Variants in UBR3 observed in about 807,000 individuals in gnomAD.
UBR3 encodes ubiquitin protein ligase E3 component n-recognin 3.
Under a neutral mutation model 243.2 loss-of-function variants are expected in UBR3, and 85 were observed. The observed-to-expected ratio is 0.35, with a 90% CI of 0.29 to 0.42. The LOEUF is 0.42. Among genes scored for constraint, UBR3 ranks in the 10% least tolerant of loss-of-function variants. The pLI, the probability that UBR3 is intolerant of heterozygous loss-of-function variation, is 1.00. For missense variants in UBR3, 1,686 were observed against 2,300.8 expected, an observed-to-expected ratio of 0.73 and a Z score of 5.47; for synonymous variants, 748 against 799.8, an observed-to-expected ratio of 0.94 and a Z score of 1.09.
chr2:169,901,843 A>T (rs1408583357), intron 8 of UBR3, among the ~76,000 whole-genome samples: 2 of 152,210 alleles, frequency 1.3e-5, no homozygotes, highest in Non-Finnish European at 2.9e-5. Flanking sequence ...CTTTTGAAAC[A>T]GTCTTTGTAA....
At chr2:170,079,558 G>A (rs1321832766) in intron 36 of UBR3, among the ~76,000 whole-genome samples, 1 of 152,086 alleles carries the variant, frequency 6.6e-6, no homozygotes, top group Admixed American at 6.5e-5. Flanking sequence ...GTAATAACAA[G>A]TTTAAATGTT....
intron 32 of UBR3, among the ~76,000 whole-genome samples, chr2:170,050,562 G>A (rs188773345): frequency 7.9e-5 from 12 of 152,154 alleles, no homozygotes; most frequent in African/African-American, 2.9e-4. Flanking sequence ...ATCTTCCTTT[G>A]TTCGTCCTCA....
intron 1 of UBR3, among the ~76,000 whole-genome samples, chr2:169,850,734 C>T (rs1574042696): frequency 6.6e-6 from 1 of 151,814 alleles, no homozygotes; most frequent in South Asian, 2.1e-4. Context: ...GTGCCAGCTA[C>T]TCGGGAGGCT....
At chr2:169,907,759 T>C (rs2085074321) in intron 10 of UBR3, among the ~76,000 whole-genome samples, 1 of 151,932 alleles carries the variant, frequency 6.6e-6, no homozygotes, top group African/African-American at 2.4e-5. Context: ...TAATTCGTTA[T>C]CTTTTTTTTT....
intron 23 of UBR3, among the ~76,000 whole-genome samples, chr2:169,956,586 C>T (rs75379681): frequency 0.04 from 6,128 of 151,914 alleles, 180 homozygotes; most frequent in East Asian, 0.11. Flanking sequence ...AATAATAAGG[C>T]GAGTTTTTTA....
At chr2:170,006,868 A>G in intron 27 of UBR3, 122 bp from the exon 28 acceptor site, 1 of 799,166 alleles carries the variant, frequency 1.3e-6, no homozygotes, top group Non-Finnish European at 1.9e-6. Context: ...TTATTTCTTT[A>G]TGACATATAT....
intron 11 of UBR3, among the ~76,000 whole-genome samples, chr2:169,915,032 A>T (rs2085405354): frequency 6.6e-6 from 1 of 152,122 alleles, no homozygotes; most frequent in African/African-American, 2.4e-5. Flanking sequence ...ACAAACAAGG[A>T]TATTTTCTTA....
chr2:169,926,205 T>C (rs1014348328), intron 14 of UBR3, among the ~76,000 whole-genome samples: 2 of 152,226 alleles, frequency 1.3e-5, no homozygotes, highest in African/African-American at 4.8e-5. Context: ...TTGTTTAGTA[T>C]GTTCAGGAAT....
chr2:169,887,841 A>G (rs1211976921), intron 5 of UBR3, among the ~76,000 whole-genome samples: 1 of 150,296 alleles, frequency 6.7e-6, no homozygotes, highest in East Asian at 1.9e-4. Context: ...CAATGGCACG[A>G]TCTTGGCTCA....
At chr2:169,999,285 C>T (rs1195644002) in intron 26 of UBR3, among the ~76,000 whole-genome samples, 2 of 152,252 alleles carry the variant, frequency 1.3e-5, no homozygotes, top group Non-Finnish European at 2.9e-5. Flanking sequence ...ATGAGCAGGC[C>T]TCCTGTTGTT....
intron 24 of UBR3, among the ~76,000 whole-genome samples, chr2:169,978,698 C>A (rs1388338098): frequency 6.6e-6 from 1 of 151,900 alleles, no homozygotes; most frequent in Non-Finnish European, 1.5e-5. Flanking sequence ...TGGCCAAATA[C>A]AGATGTCATT....
At chr2:169,967,258 GC>G (rs1220847255) in intron 24 of UBR3, among the ~76,000 whole-genome samples, 3 of 81,412 alleles carry the variant, frequency 3.7e-5, no homozygotes, top group African/African-American at 1.0e-4. Flanking sequence ...CAGGGTATGC[GC>G]CCCCCGCCCC....
chr2:169,831,142 T>A (rs1344530018), intron 1 of UBR3, among the ~76,000 whole-genome samples: 13 of 116,184 alleles, frequency 1.1e-4, no homozygotes, highest in Non-Finnish European at 2.0e-4. Context: ...TTTTTTTTTT[T>A]TTTTTTTTTT....
intron 23 of UBR3, among the ~76,000 whole-genome samples, chr2:169,952,158 T>C (rs899063603): frequency 2.0e-5 from 3 of 152,002 alleles, no homozygotes; most frequent in African/African-American, 4.8e-5. Flanking sequence ...AATGTAGAAC[T>C]TAAGGGAAAA....
chr2:169,908,560 T>C (rs1014320001), intron 10 of UBR3, among the ~76,000 whole-genome samples: 8 of 152,224 alleles, frequency 5.3e-5, no homozygotes, highest in Non-Finnish European at 8.8e-5. Flanking sequence ...ATATGGTTCT[T>C]GCTCTCATAG....
At chr2:169,895,375 T>TG (rs2084540757) in intron 7 of UBR3, 64 bp downstream of exon 7, 1 of 1,461,186 alleles carries the variant, frequency 6.8e-7, no homozygotes, top group African/African-American at 1.4e-5. Context: ...CATTATTAAA[T>TG]CTTTTTTTGA....
intron 27 of UBR3, among the ~76,000 whole-genome samples, chr2:170,006,024 C>T (rs2089899819): frequency 6.6e-6 from 1 of 151,982 alleles, no homozygotes; most frequent in Non-Finnish European, 1.5e-5. Context: ...CAGGAGAGAA[C>T]CCAGCTTCAG....
intron 29 of UBR3, among the ~76,000 whole-genome samples, chr2:170,012,673 G>T (rs67544016): frequency 0.21 from 30,103 of 145,374 alleles, 3,453 homozygotes; most frequent in South Asian, 0.35. Flanking sequence ...GAAGATACTG[G>T]TTTTTTTTTT....
At chr2:169,853,004 A>G (rs1039994372) in intron 1 of UBR3, among the ~76,000 whole-genome samples, 2 of 152,348 alleles carry the variant, frequency 1.3e-5, no homozygotes, top group African/African-American at 4.8e-5. Flanking sequence ...TAAATAATTA[A>G]CTTGAGATTT....
Sources: allele counts gnomAD v4.1 joint callset (sites outside exome capture counted in the v4.1 genomes callset), GRCh38; gene constraint gnomAD v4.1.1; transcripts MANE v1.5; gene names NCBI Gene and HGNC (gene_info 2026-07-23, HGNC 2026-07-21).